FILIP1: variants seen among roughly 807,000 people sequenced by gnomAD.
FILIP1 encodes filamin A interacting protein 1, also known as filamin-A-interacting protein 1.
FILIP1 carries 61 observed loss-of-function variants against 102.1 expected under a neutral mutation model. The observed-to-expected ratio is 0.60, with a 90% CI of 0.49 to 0.74. The LOEUF is 0.74. Ranked by LOEUF, FILIP1 falls within the 30% of genes least tolerant of loss-of-function variation. The pLI is 0.00. For synonymous variants in FILIP1, 491 were observed against 526.9 expected, an observed-to-expected ratio of 0.93 and a Z score of 0.93; for missense variants, 1,314 against 1,441.2, an observed-to-expected ratio of 0.91 and a Z score of 1.43.
rs527446533 is a variant in FILIP1 at position 75,321,610 on chromosome 6, C to T, written c.630-6408G>A. Among the ~76,000 whole-genome samples the T allele has an allele frequency of 4.6e-3, 696 of 152,096 alleles. 2 individuals are homozygous for T. The highest frequency in any genetic ancestry group is 0.016 in the African/African-American group (659 of 41,506). ...GAGATCGAGACCATCCTGGCTAAAACGGTGAAACCCCGTCTCTACTAAAAA... is the reference window on the plus strand; with the variant it reads ...GAGATCGAGACCATCCTGGCTAAAATGGTGAAACCCCGTCTCTACTAAAAA... On this transcript the variant is annotated intron_variant, in intron 4 of 5. Transcript: ENST00000237172.
At position 75,322,470 on chromosome 6, in the gene FILIP1, T is replaced by G. The variant is rs76853392; in HGVS notation, c.630-7268A>C. Among the ~76,000 whole-genome samples, 5 of 152,182 alleles carry G rather than the reference T, an allele frequency of 3.3e-5. No individual in the cohort carries two copies. The East Asian group carries it at 9.7e-4, about 29-fold the overall frequency. ...AGGAAACAAACCAGAAGACTAAGAC[T>G]AAAAAAATAAATTAGTACCCTGATT... On this transcript the variant is annotated intron_variant, in intron 4 of 5. Coordinates refer to ENST00000237172, the MANE Select transcript of FILIP1 (RefSeq NM_015687.5).
intron 2 of FILIP1, among the ~76,000 whole-genome samples, chr6:75,395,108 T>A (rs540796688): frequency 6.6e-6 from 1 of 152,258 alleles, no homozygotes; most frequent in South Asian, 2.1e-4. Context: ...CCAAGCCATA[T>A]TTGATATCAG....
chr6:75,487,238 A>T (rs1223103161), intron 1 of FILIP1, among the ~76,000 whole-genome samples: 1 of 152,164 alleles, frequency 6.6e-6, no homozygotes, highest in African/African-American at 2.4e-5. Flanking sequence ...ATAATTAGGA[A>T]AAATCTGAGC....
chr6:75,467,559 A>T (rs1779205115), intron 1 of FILIP1, among the ~76,000 whole-genome samples: 1 of 152,170 alleles, frequency 6.6e-6, no homozygotes, highest in Non-Finnish European at 1.5e-5. Flanking sequence ...TGCTAAACTC[A>T]TTTTCAAAAC....
At chr6:75,387,168 T>G (rs922907955) in intron 2 of FILIP1, among the ~76,000 whole-genome samples, 1 of 152,192 alleles carries the variant, frequency 6.6e-6, no homozygotes, top group Non-Finnish European at 1.5e-5. Context: ...AGTTTCCAGC[T>G]GCAACCATGT....
At chr6:75,376,015 C>A (rs1448215999) in intron 2 of FILIP1, among the ~76,000 whole-genome samples, 2 of 152,104 alleles carry the variant, frequency 1.3e-5, no homozygotes, top group Non-Finnish European at 2.9e-5. Context: ...ACAGGTACAT[C>A]CTCAAATGTA....
At chr6:75,340,756 C>T (rs544027905) in intron 4 of FILIP1, among the ~76,000 whole-genome samples, 183 of 151,838 alleles carry the variant, frequency 1.2e-3, no homozygotes, top group African/African-American at 4.2e-3. Flanking sequence ...AATGCAGTGG[C>T]ATGATCTAGG....
intron 6 of FILIP1, among the ~76,000 whole-genome samples, chr6:75,302,803 G>GATGAT (rs1166537005): frequency 1.0e-4 from 14 of 137,932 alleles, no homozygotes; most frequent in Admixed American, 2.3e-4. Context: ...AAATAGAGAT[G>GATGAT]ATGATATGAT....
At position 75,387,078 on chromosome 6, in the gene FILIP1, C is replaced by T. The variant is rs372849716; in HGVS notation, c.277-24161G>A. Among the ~76,000 whole-genome samples, 3 of 152,154 alleles carry T rather than the reference C, an allele frequency of 2.0e-5. No individual in the cohort carries two copies. The South Asian group carries it at 6.2e-4, about 32-fold the overall frequency. On this transcript the variant is annotated intron_variant, in intron 2 of 5. Coordinates refer to ENST00000237172, the MANE Select transcript of FILIP1 (RefSeq NM_015687.5). ...GTTCCCCTCCCTGTGCCCATATGTT[C>T]TCATTGTTCAACTCCCACTTATGAG...
chr6:75,461,168 T>C (rs1779012902), intron 1 of FILIP1, among the ~76,000 whole-genome samples: 1 of 152,202 alleles, frequency 6.6e-6, no homozygotes, highest in Non-Finnish European at 1.5e-5. Flanking sequence ...CAAGCAGCCC[T>C]ACTATGTGCT....
At chr6:75,391,718 A>C (rs1188884352) in intron 2 of FILIP1, among the ~76,000 whole-genome samples, 1 of 152,130 alleles carries the variant, frequency 6.6e-6, no homozygotes, top group Non-Finnish European at 1.5e-5. Context: ...GCTCATTCTC[A>C]TTAGCATACA....
chr6:75,434,825 T>C (rs555261993), intron 1 of FILIP1, among the ~76,000 whole-genome samples: 3 of 152,252 alleles, frequency 2.0e-5, no homozygotes, highest in Non-Finnish European at 4.4e-5. Flanking sequence ...GCTGTGGGTT[T>C]GTCATAAATA....
intron 1 of FILIP1, among the ~76,000 whole-genome samples, chr6:75,431,411 CAG>C (rs1341583455): frequency 2.0e-5 from 3 of 152,122 alleles, no homozygotes; most frequent in Non-Finnish European, 2.9e-5. Flanking sequence ...CAAAAATGCC[CAG>C]AGTTAGTATT....
intron 1 of FILIP1, among the ~76,000 whole-genome samples, chr6:75,422,419 G>A (rs1482519632): frequency 3.3e-5 from 5 of 152,040 alleles, no homozygotes; most frequent in African/African-American, 9.7e-5. Context: ...CTGAAGAAAA[G>A]GGAATGTCAC....
intron 6 of FILIP1, among the ~76,000 whole-genome samples, chr6:75,301,323 T>C (rs992166385): frequency 3.3e-5 from 5 of 152,228 alleles, no homozygotes; most frequent in Non-Finnish European, 5.9e-5. Flanking sequence ...AATGTACATT[T>C]TACTCACTTG....
intron 2 of FILIP1, among the ~76,000 whole-genome samples, chr6:75,389,114 A>G (rs578137426): frequency 3.9e-5 from 6 of 152,328 alleles, no homozygotes; most frequent in Admixed American, 3.3e-4. Flanking sequence ...CCTTTTCTGC[A>G]TCTATTGAGT....
At position 75,308,829 on chromosome 6, in the gene FILIP1, T is replaced by A. The variant is rs1773078427; in HGVS notation, c.3504A>T (p.Ala1168=). 3.1e-6 allele frequency: 5 copies of A among 1,614,178 alleles called. No homozygotes were observed. The highest frequency in any genetic ancestry group is 4.2e-6 in the Non-Finnish European group (5 of 1,180,012). ...CTGGGGCTGCCACTACTGGCTTTCC[T>A]GCTTTCATACCTTTTGACATAGGAA... The part of the protein sequence containing the change: ...TRIPMSKGMK[A]GKPVVAAPGA... Residue 1168 remains alanine (A), a synonymous_variant, in exon 6 of 6, where the codon GCA becomes GCT. Transcript: ENST00000237172.
chr6:75,384,147 C>T (rs756605770), intron 2 of FILIP1, among the ~76,000 whole-genome samples: 23 of 151,854 alleles, frequency 1.5e-4, no homozygotes, highest in African/African-American at 5.6e-4. Context: ...ATTTTTTTTA[C>T]CTGAATCTAT....
rs991936300 is a variant in FILIP1, at chr6:75,345,613, C to G, written c.629+7926G>C. Among the ~76,000 whole-genome samples, 9 of 152,160 alleles carry G rather than the reference C, an allele frequency of 5.9e-5. No individual in the cohort carries two copies. In the East Asian group the frequency reaches 1.5e-3, roughly 26 times the overall value. ...GGTGGGGTGACCAGCCTTTTCCGTG[C>G]GCTATGTAAACGTCACACCTGGTCA... On this transcript the variant is annotated intron_variant, in intron 4 of 5. Coordinates refer to ENST00000237172, the MANE Select transcript of FILIP1 (RefSeq NM_015687.5).
Sources: gnomAD v4.1 joint callset for allele counts (sites outside exome capture counted in the v4.1 genomes callset) on GRCh38, gnomAD v4.1.1 for gene constraint, MANE v1.5 for transcripts, NCBI Gene and HGNC (gene_info 2026-07-23, HGNC 2026-07-21) for gene names.